ST6GALNAC3: variants seen among roughly 807,000 people sequenced by gnomAD.
The protein encoded by ST6GALNAC3 is alpha-N-acetylgalactosaminide alpha-2,6-sialyltransferase 3.
ST6GALNAC3 carries 25 observed loss-of-function variants against 32.7 expected under a neutral mutation model. That is an observed-to-expected ratio of 0.76 (90% confidence interval 0.56 to 1.07). The LOEUF is 1.07. ST6GALNAC3 is among the 50% of genes least tolerant of loss of function. The pLI is 0.00. For synonymous variants in ST6GALNAC3, 129 were observed against 133.1 expected, an observed-to-expected ratio of 0.97 and a Z score of 0.21; for missense variants, 355 against 382.4, an observed-to-expected ratio of 0.93 and a Z score of 0.60.
intron 1 of ST6GALNAC3, among the ~76,000 whole-genome samples, chr1:76,266,421 G>C (rs1315075916): frequency 6.6e-6 from 1 of 152,122 alleles, no homozygotes; most frequent in Admixed American, 6.6e-5. Flanking sequence ...TCAGAGGAAG[G>C]GCAACCTGCA....
intron 3 of ST6GALNAC3, among the ~76,000 whole-genome samples, chr1:76,417,087 A>C (rs146120673): frequency 6.6e-6 from 1 of 152,162 alleles, no homozygotes; most frequent in East Asian, 1.9e-4. Flanking sequence ...CTTTCTTTTT[A>C]GTTACTGTCT....
chr1:76,635,077 C>T (rs1432137689), downstream of ST6GALNAC3, among the ~76,000 whole-genome samples: 1 of 152,150 alleles, frequency 6.6e-6, no homozygotes, highest in Non-Finnish European at 1.5e-5. Flanking sequence ...TCCATATTAA[C>T]TATCTGATGC....
intron 1 of ST6GALNAC3, among the ~76,000 whole-genome samples, chr1:76,182,719 G>A (rs755203456): frequency 7.2e-5 from 11 of 152,230 alleles, no homozygotes; most frequent in Non-Finnish European, 1.5e-4. Context: ...TAAACAAAGC[G>A]ATTTTTTAAG....
At chr1:76,568,642 C>T (rs1187380160) in intron 3 of ST6GALNAC3, among the ~76,000 whole-genome samples, 1 of 152,148 alleles carries the variant, frequency 6.6e-6, no homozygotes, top group Non-Finnish European at 1.5e-5. Flanking sequence ...CAAACAATAA[C>T]AGACAGGTTC....
chr1:76,256,024 A>ACAC lies in ST6GALNAC3; in HGVS notation c.19-57780_19-57778dup, dbSNP rs946367278. Reference sequence around the variant, plus strand: ...AAAGACTGTCAGTGGTAACACACACACACACACACACACACACAATTAGGA... The same window carrying ACAC: ...AAAGACTGTCAGTGGTAACACACACACACCACACACACACACACACAATTAGGA... On this transcript the variant is annotated intron_variant, in intron 1 of 4. Coordinates refer to ENST00000328299, the MANE Select transcript of ST6GALNAC3 (RefSeq NM_152996.4). 2.5e-4 allele frequency among the ~76,000 whole-genome samples: 38 copies of ACAC among 151,974 alleles called. 1 individual carries two copies. The South Asian group carries it at 7.3e-3, about 29-fold the overall frequency.
At chr1:76,618,832 T>C (rs1648458075) in intron 3 of ST6GALNAC3, among the ~76,000 whole-genome samples, 2 of 152,172 alleles carry the variant, frequency 1.3e-5, no homozygotes. Flanking sequence ...TCGCATATTA[T>C]ACCTATCACA....
At position 76,612,339 on chromosome 1, in the gene ST6GALNAC3, G is replaced by A. The variant is rs1262206456; in HGVS notation, c.624-15113G>A. ...TGTACCCAAGCCACCTTGTGGCCCA[G>A]GTTTTAAAGTTGTGTGGGAAGCAAA... On this transcript the variant is annotated intron_variant, in intron 3 of 4. Transcript: ENST00000328299. 2.0e-5 allele frequency among the ~76,000 whole-genome samples: 3 copies of A among 152,132 alleles called. No homozygotes were observed. The East Asian group carries it at 5.8e-4, about 29-fold the overall frequency.
At chr1:76,382,172 T>C (rs1277379236) in intron 2 of ST6GALNAC3, among the ~76,000 whole-genome samples, 2 of 152,168 alleles carry the variant, frequency 1.3e-5, no homozygotes, top group Non-Finnish European at 2.9e-5. Context: ...ATCCTCTATG[T>C]AGGATTTCAG....
At chr1:76,354,848 T>C (rs1423931434) in intron 2 of ST6GALNAC3, among the ~76,000 whole-genome samples, 1 of 152,204 alleles carries the variant, frequency 6.6e-6, no homozygotes, top group East Asian at 1.9e-4. Flanking sequence ...GCTTTTCTTT[T>C]CTATTATGGT....
At chr1:76,129,574 G>C (rs1025117838) in intron 1 of ST6GALNAC3, among the ~76,000 whole-genome samples, 1 of 152,158 alleles carries the variant, frequency 6.6e-6, no homozygotes, top group Non-Finnish European at 1.5e-5. Context: ...CCATTCCACT[G>C]TTCTGTGGCT....
At chr1:76,389,646 G>C (rs757784222) in intron 2 of ST6GALNAC3, among the ~76,000 whole-genome samples, 3 of 152,080 alleles carry the variant, frequency 2.0e-5, no homozygotes, top group Admixed American at 1.3e-4. Flanking sequence ...ACTGTGTTTC[G>C]ACATACTTCA....
At chr1:76,469,849 G>A (rs1005344781) in intron 3 of ST6GALNAC3, among the ~76,000 whole-genome samples, 2 of 152,088 alleles carry the variant, frequency 1.3e-5, no homozygotes, top group African/African-American at 4.8e-5. Flanking sequence ...TGCTTCAGAT[G>A]AGCACAAATG....
intron 1 of ST6GALNAC3, among the ~76,000 whole-genome samples, chr1:76,099,241 C>A (rs1489101359): frequency 6.6e-6 from 1 of 152,000 alleles, no homozygotes; most frequent in Non-Finnish European, 1.5e-5. Context: ...TGATCCTGGC[C>A]CTTTATACTT....
At chr1:76,304,560 G>A (rs574802916) in intron 1 of ST6GALNAC3, among the ~76,000 whole-genome samples, 5 of 152,194 alleles carry the variant, frequency 3.3e-5, no homozygotes, top group African/African-American at 7.2e-5. Context: ...GGATAGCAAA[G>A]GGGCTTTAGA....
chr1:76,311,604 A>G (rs992547823), intron 1 of ST6GALNAC3, among the ~76,000 whole-genome samples: 6 of 152,174 alleles, frequency 3.9e-5, no homozygotes, highest in African/African-American at 1.4e-4. Context: ...TGCAAAGGAC[A>G]TGAACTCATC....
At position 76,630,982 on chromosome 1, in the gene ST6GALNAC3, T is replaced by C. The variant is rs1444071692; in HGVS notation, c.*2176T>C. 1 of 985,544 alleles carries C rather than the reference T, an allele frequency of 1.0e-6. No individual in the cohort carries two copies. The highest frequency in any genetic ancestry group is 1.7e-5 in the African/African-American group (1 of 57,174). The allele number at this position is 985,544 out of a possible 1,614,324, so 61.0% of individuals were successfully genotyped here. A position where few individuals can be genotyped will look rare whatever the true frequency, so the allele number is the denominator to read the frequency against. ...TGGGACATGAACTTAATTTATTTAG[T>C]TTTCTAATAAATGAAGGGCCAACTC... On this transcript the variant is annotated 3_prime_UTR_variant, in exon 5 of 5. Coordinates refer to ENST00000328299, the MANE Select transcript of ST6GALNAC3 (RefSeq NM_152996.4).
At chr1:76,139,393 GAAACACACACACATAT>G (rs1650170359) in intron 1 of ST6GALNAC3, among the ~76,000 whole-genome samples, 2 of 150,676 alleles carry the variant, frequency 1.3e-5, no homozygotes, top group South Asian at 2.1e-4. Context: ...TACACACATA[GAAACACACACACATAT>G]AAACACACAC....
intron 1 of ST6GALNAC3, among the ~76,000 whole-genome samples, chr1:76,087,605 T>A (rs140558373): frequency 2.2e-4 from 34 of 152,326 alleles, no homozygotes; most frequent in Admixed American, 3.9e-4. Context: ...ATTTGTGGAT[T>A]ATCTCATTTT....
intron 2 of ST6GALNAC3, among the ~76,000 whole-genome samples, chr1:76,338,311 G>A (rs1314939200): frequency 6.6e-6 from 1 of 152,116 alleles, no homozygotes; most frequent in Non-Finnish European, 1.5e-5. Context: ...ATTGTCATTT[G>A]GTTAATTATG....
Sources: allele counts gnomAD v4.1 joint callset (sites outside exome capture counted in the v4.1 genomes callset), GRCh38; gene constraint gnomAD v4.1.1; transcripts MANE v1.5; gene names NCBI Gene and HGNC (gene_info 2026-07-23, HGNC 2026-07-21).